DMD: variants seen among roughly 807,000 people sequenced by gnomAD.
DMD encodes the protein dystrophin, also known as mutant dystrophin.
A neutral mutation model predicts 330.1 loss-of-function variants in DMD; 63 were observed. That is an observed-to-expected ratio of 0.19 (90% CI 0.16 to 0.24). The LOEUF (loss-of-function observed/expected upper bound fraction) is 0.24. Among genes scored for constraint, DMD ranks in the 10% least tolerant of loss-of-function variants. DMD has a pLI of 1.00. For synonymous variants in DMD, 1,223 were observed against 959.8 expected (o/e 1.27, Z -5.07); for missense variants, 3,344 against 2,684.1 (o/e 1.25, Z -5.43).
chrX:32,994,825 AAAAT>A (rs769022135), intron 2 of DMD, among the ~76,000 whole-genome samples: 1 of 112,661 alleles, frequency 8.9e-6, no homozygotes, highest in African/African-American at 3.2e-5. Context: ...TTGTTCATTA[AAAAT>A]AAATAAATAA....
At chrX:33,221,578 A>C (rs892180656) in intron 1 of DMD, among the ~76,000 whole-genome samples, 4 of 111,483 alleles carry the variant, frequency 3.6e-5, no homozygotes, top group African/African-American at 1.3e-4. Flanking sequence ...ATTCATTAAC[A>C]AAGAGCTATT....
intron 50 of DMD, among the ~76,000 whole-genome samples, chrX:31,794,209 A>G (rs779132077): frequency 8.1e-5 from 9 of 111,493 alleles, no homozygotes; most frequent in Non-Finnish European, 1.5e-4. Flanking sequence ...ACTTGGACTT[A>G]TTGCTCTATT....
chrX:32,723,578 C>G (rs1358037995), intron 7 of DMD, among the ~76,000 whole-genome samples: 2 of 111,090 alleles, frequency 1.8e-5, no homozygotes, highest in African/African-American at 3.3e-5. Context: ...ATAAATAAAT[C>G]TCGATAACTG....
intron 60 of DMD, among the ~76,000 whole-genome samples, chrX:31,425,695 T>TACACACACACACACACACACACAC (rs58343053): frequency 0.015 from 1,582 of 103,527 alleles, 34 homozygotes; most frequent in African/African-American, 0.04. Context: ...CAGGCATGAG[T>TACACACACACACACACACACACAC]ACACACACAC....
intron 11 of DMD, among the ~76,000 whole-genome samples, chrX:32,638,709 T>C (rs1218293820): frequency 8.9e-6 from 1 of 112,005 alleles, no homozygotes; most frequent in Non-Finnish European, 1.9e-5. Context: ...CTGCAACGAA[T>C]TCAATTCCAA....
chrX:32,046,278 AT>A (rs1274080411), intron 44 of DMD, among the ~76,000 whole-genome samples: 1 of 112,510 alleles, frequency 8.9e-6, no homozygotes, highest in East Asian at 2.8e-4. Context: ...ATTTTTCTCC[AT>A]TTTGACCCTT....
Position 31,183,757 on chromosome X carries a change from C to A in DMD, c.9808-853G>T, listed in dbSNP as rs189133600. Among the ~76,000 whole-genome samples, 236 of 110,375 alleles carry A rather than the reference C, an allele frequency of 2.1e-3. 4 individuals are homozygous for A. The East Asian group carries it at 0.052, about 25-fold the overall frequency. On this transcript the variant is annotated intron_variant, in intron 67 of 78. Coordinates refer to ENST00000357033, the MANE Select transcript of DMD (RefSeq NM_004006.3). ...TGCTCTTCATTGCTTTCTTTCATCT[C>A]AAATCTTCCATCTGGGATTAGTTCT...
chrX:33,330,797 A>T (rs1230353968), intron 1 of DMD, among the ~76,000 whole-genome samples: 1 of 111,487 alleles, frequency 9.0e-6, no homozygotes. Context: ...ACTTTGAATT[A>T]CTATTTTTCA....
intron 60 of DMD, among the ~76,000 whole-genome samples, chrX:31,379,508 T>C (rs1310542105): frequency 9.0e-6 from 1 of 111,504 alleles, no homozygotes; most frequent in Non-Finnish European, 1.9e-5. Flanking sequence ...TTATTCTCAA[T>C]ATATATTTTA....
intron 42 of DMD, among the ~76,000 whole-genome samples, chrX:32,292,302 C>CTTTTTTTTTTTTTTTTT (rs10652780): frequency 0.021 from 1,349 of 62,824 alleles, 231 homozygotes; most frequent in African/African-American, 0.043. Context: ...AGGGAATATT[C>CTTTTTTTTTTTTTTTTT]TTTTTTTTTT....
At chrX:31,242,352 T>C (rs1197440833) in intron 63 of DMD, among the ~76,000 whole-genome samples, 1 of 104,399 alleles carries the variant, frequency 9.6e-6, no homozygotes, top group Admixed American at 1.1e-4. Context: ...CAGTCTTTCA[T>C]ACCTTTGTTT....
intron 34 of DMD, 64 bp from the exon 35 acceptor site, chrX:32,365,263 A>G: frequency 9.0e-7 from 1 of 1,106,919 alleles, no homozygotes; most frequent in Non-Finnish European, 1.2e-6. Context: ...AATGCTTATG[A>G]AACGGCTTTC....
Position 32,492,305 on chromosome X carries a change from T to G in DMD, c.2381-787A>C, listed in dbSNP as rs368687300. Among the ~76,000 whole-genome samples, 10 of 112,527 alleles carry G rather than the reference T, an allele frequency of 8.9e-5. No homozygotes were observed. The East Asian group carries it at 2.3e-3, about 25-fold the overall frequency. On this transcript the variant is annotated intron_variant, in intron 19 of 78. Transcript: ENST00000357033. ...GTGAGCGGAGATCGCGCCACTGCAC[T>G]CCAGCCTGGGTGACAGAGCGAGACT...
intron 59 of DMD, among the ~76,000 whole-genome samples, chrX:31,466,350 G>GT (rs1388023563): frequency 8.9e-6 from 1 of 111,920 alleles, no homozygotes; most frequent in East Asian, 2.8e-4. Flanking sequence ...TGTATAAGGT[G>GT]TAAGGAAGGG....
chrX:31,580,544 T>C (rs2076293549), intron 55 of DMD, among the ~76,000 whole-genome samples: 1 of 111,988 alleles, frequency 8.9e-6, no homozygotes, highest in South Asian at 3.8e-4. Flanking sequence ...AAGAAGTACC[T>C]ACTGTTTTAA....
intron 34 of DMD, among the ~76,000 whole-genome samples, chrX:32,373,903 C>T (rs2097890409): frequency 9.0e-6 from 1 of 111,652 alleles, no homozygotes; most frequent in African/African-American, 3.2e-5. Flanking sequence ...ACTTTGAAAT[C>T]CTTAGGAGTG....
intron 16 of DMD, among the ~76,000 whole-genome samples, chrX:32,562,995 A>T (rs1380412888): frequency 2.7e-5 from 3 of 111,445 alleles, no homozygotes; most frequent in African/African-American, 9.8e-5. Context: ...AAGTCCTTTT[A>T]TTTATTTCTA....
At chrX:32,526,813 C>A (rs956734968) in intron 17 of DMD, among the ~76,000 whole-genome samples, 12 of 112,210 alleles carry the variant, frequency 1.1e-4, no homozygotes, top group Admixed American at 3.8e-4. Flanking sequence ...TATAACTGTG[C>A]TAATTATGTC....
At chrX:31,522,827 G>T (rs1246773165) in intron 55 of DMD, among the ~76,000 whole-genome samples, 1 of 111,570 alleles carries the variant, frequency 9.0e-6, no homozygotes, top group Non-Finnish European at 1.9e-5. Flanking sequence ...TTGTCGGGGG[G>T]TACGTGTCAT....
Sources: gnomAD v4.1 joint callset for allele counts (sites outside exome capture counted in the v4.1 genomes callset) on GRCh38, gnomAD v4.1.1 for gene constraint, MANE v1.5 for transcripts, NCBI Gene and HGNC (gene_info 2026-07-23, HGNC 2026-07-21) for gene names.